CADM2: variants seen among roughly 807,000 people sequenced by gnomAD.
CADM2 encodes cell adhesion molecule 2, also known as immunoglobulin superfamily member 4D.
CADM2 carries 12 observed loss-of-function variants against 49.8 expected under a neutral mutation model. That is an observed-to-expected ratio of 0.24 (90% CI 0.15 to 0.39). CADM2 has a LOEUF of 0.39. Among genes scored for constraint, CADM2 ranks in the 10% least tolerant of loss-of-function variants. CADM2 has a pLI of 1.00. For synonymous variants in CADM2, 214 were observed against 175.4 expected, an observed-to-expected ratio of 1.22 and a Z score of -1.74; for missense variants, 378 against 492.3, an observed-to-expected ratio of 0.77 and a Z score of 2.20.
chr3:85,142,441 T>G (rs1328336792), intron 1 of CADM2, among the ~76,000 whole-genome samples: 1 of 152,216 alleles, frequency 6.6e-6, no homozygotes, highest in Admixed American at 6.5e-5. Context: ...AAAATTGAAA[T>G]TATCCAAAAG....
intron 1 of CADM2, among the ~76,000 whole-genome samples, chr3:84,984,756 T>A (rs775162256): frequency 6.6e-6 from 1 of 152,208 alleles, no homozygotes; most frequent in Non-Finnish European, 1.5e-5. Context: ...TGCTAGCTAC[T>A]CCACCCATTC....
At chr3:85,715,940 A>C (rs1215894403) in intron 1 of CADM2, among the ~76,000 whole-genome samples, 4 of 152,166 alleles carry the variant, frequency 2.6e-5, no homozygotes, top group African/African-American at 9.7e-5. Context: ...AGTCTTTGCT[A>C]TTGTGAATAG....
In CADM2 at chr3:85,453,723, A is replaced by C. The variant is rs1188125154; in HGVS notation, c.62-272799A>C. On this transcript the variant is annotated intron_variant, in intron 1 of 9. Transcript: ENST00000383699. The stretch of plus-strand genomic sequence containing the variant: ...CTAAAAAAAACCTGTTTAATGTGCA[A>C]GGTGAAAAGTTAAAGGAATTGTATG... Among the ~76,000 whole-genome samples, 4 of 152,176 alleles carry C rather than the reference A, an allele frequency of 2.6e-5. No individual in the cohort carries two copies. The East Asian group carries it at 7.7e-4, about 29-fold the overall frequency.
At chr3:85,721,722 A>G (rs980429029) in intron 1 of CADM2, among the ~76,000 whole-genome samples, 1 of 152,196 alleles carries the variant, frequency 6.6e-6, no homozygotes, top group Non-Finnish European at 1.5e-5. Context: ...AGGGCCCCAA[A>G]GTGGGAGCCA....
At chr3:85,036,954 C>A (rs994238499) in intron 1 of CADM2, among the ~76,000 whole-genome samples, 3 of 148,454 alleles carry the variant, frequency 2.0e-5, no homozygotes, top group Non-Finnish European at 4.4e-5. Context: ...GAGCTCTAGA[C>A]CAGCCTGACC....
intron 5 of CADM2, among the ~76,000 whole-genome samples, chr3:85,904,091 C>T (rs1464987784): frequency 6.6e-6 from 1 of 152,136 alleles, no homozygotes; most frequent in African/African-American, 2.4e-5. Flanking sequence ...TGAACTTCCC[C>T]CAACTCTGTT....
chr3:85,293,738 AC>A (rs1192372279), intron 1 of CADM2, among the ~76,000 whole-genome samples: 4 of 148,896 alleles, frequency 2.7e-5, no homozygotes, highest in Non-Finnish European at 4.5e-5. Flanking sequence ...AAATTCAGCA[AC>A]CCTTCATGCT....
At chr3:85,866,427 T>G (rs933520684) in intron 3 of CADM2, among the ~76,000 whole-genome samples, 2 of 152,200 alleles carry the variant, frequency 1.3e-5, no homozygotes, top group South Asian at 4.1e-4. Flanking sequence ...AACAGTTTTC[T>G]TGATTCATTG....
chr3:85,667,818 T>G (rs1469526076), intron 1 of CADM2, among the ~76,000 whole-genome samples: 2 of 152,072 alleles, frequency 1.3e-5, no homozygotes, highest in Non-Finnish European at 2.9e-5. Context: ...TAAATCTCTA[T>G]TTCCGCATCC....
At chr3:85,187,675 A>G (rs1002287946) in intron 1 of CADM2, among the ~76,000 whole-genome samples, 1 of 152,116 alleles carries the variant, frequency 6.6e-6, no homozygotes, top group Non-Finnish European at 1.5e-5. Context: ...TTAAAGTATA[A>G]TTATTGTTTA....
intron 1 of CADM2, among the ~76,000 whole-genome samples, chr3:85,342,014 G>A (rs2045252949): frequency 6.6e-6 from 1 of 152,118 alleles, no homozygotes; most frequent in Admixed American, 6.5e-5. Flanking sequence ...TGACAAATTG[G>A]ATCTAATTAA....
chr3:85,212,809 C>CTT (rs1559723503), intron 1 of CADM2, among the ~76,000 whole-genome samples: 4 of 99,278 alleles, frequency 4.0e-5, no homozygotes, highest in African/African-American at 8.8e-5. Context: ...TCTTCTTTTT[C>CTT]TTCTCTTTCT....
intron 1 of CADM2, among the ~76,000 whole-genome samples, chr3:85,494,759 ACATAAGCTCTT>A (rs2039818292): frequency 6.6e-6 from 1 of 152,142 alleles, no homozygotes; most frequent in Non-Finnish European, 1.5e-5. Context: ...CCTTTAATTA[ACATAAGCTCTT>A]CAAAACCAAA....
intron 1 of CADM2, among the ~76,000 whole-genome samples, chr3:85,055,474 G>A (rs975055348): frequency 1.3e-5 from 2 of 152,018 alleles, no homozygotes; most frequent in East Asian, 3.9e-4. Context: ...GTCATCATCA[G>A]GTAGGATTTA....
intron 1 of CADM2, among the ~76,000 whole-genome samples, chr3:85,559,683 C>CAT (rs1484749175): frequency 1.9e-5 from 1 of 51,568 alleles, no homozygotes; most frequent in African/African-American, 4.0e-5. Flanking sequence ...CACACACACA[C>CAT]ACACATATAT....
At chr3:85,200,777 T>C (rs939717101) in intron 1 of CADM2, among the ~76,000 whole-genome samples, 1 of 152,184 alleles carries the variant, frequency 6.6e-6, no homozygotes, top group Non-Finnish European at 1.5e-5. Flanking sequence ...TTTGTTAAAA[T>C]GTCCAGATAG....
intron 7 of CADM2, among the ~76,000 whole-genome samples, chr3:85,960,813 A>G (rs1457366097): frequency 2.0e-5 from 3 of 151,676 alleles, no homozygotes; most frequent in African/African-American, 7.2e-5. Flanking sequence ...GAAAAGCAGC[A>G]GAGGTGAAAT....
intron 1 of CADM2, among the ~76,000 whole-genome samples, chr3:85,490,905 T>G (rs1025032793): frequency 6.6e-6 from 1 of 151,678 alleles, no homozygotes; most frequent in African/African-American, 2.4e-5. Flanking sequence ...GAATAAAAAA[T>G]AAGAAGAAGA....
chr3:85,981,942 A>G (rs1234687520), intron 8 of CADM2, among the ~76,000 whole-genome samples: 1 of 151,728 alleles, frequency 6.6e-6, no homozygotes, highest in Non-Finnish European at 1.5e-5. Flanking sequence ...GCTTCTTTTC[A>G]CAGTGACTGA....
Sources: gnomAD v4.1 joint callset for allele counts (sites outside exome capture counted in the v4.1 genomes callset) on GRCh38, gnomAD v4.1.1 for gene constraint, MANE v1.5 for transcripts, NCBI Gene and HGNC (gene_info 2026-07-23, HGNC 2026-07-21) for gene names.